Variants in TXNDC5 observed in about 807,000 individuals in gnomAD.
TXNDC5 encodes thioredoxin domain-containing protein 5.
A neutral mutation model predicts 52.6 loss-of-function variants in TXNDC5; 44 were observed. That is an observed-to-expected ratio of 0.84 (90% CI 0.66 to 1.08). TXNDC5 has a LOEUF of 1.08. Ranked by LOEUF, TXNDC5 falls within the 50% of genes least tolerant of loss-of-function variation. The probability of loss-of-function intolerance (pLI) is 0.00; values close to 1 mark genes in which losing one functional copy is unlikely to be tolerated. For synonymous variants in TXNDC5, 241 were observed against 234.4 expected (o/e 1.03, Z -0.26); for missense variants, 600 against 565.5 (o/e 1.06, Z -0.62).
intron 5 of TXNDC5, among the ~76,000 whole-genome samples, chr6:7,890,974 C>G (rs951465749): frequency 6.6e-6 from 1 of 152,204 alleles, no homozygotes; most frequent in Admixed American, 6.5e-5. Flanking sequence ...CGCAGCATTA[C>G]TTTTGGATAC....
At chr6:7,889,065 G>C in intron 6 of TXNDC5, 1 of 567,670 alleles carries the variant, frequency 1.8e-6, no homozygotes, top group South Asian at 3.1e-5. Flanking sequence ...CCCTCCACGG[G>C]GTTACACATC....
intron 1 of TXNDC5, 28 bp from the exon 2 acceptor site, chr6:7,904,751 T>A: frequency 6.2e-7 from 1 of 1,614,000 alleles, no homozygotes; most frequent in Non-Finnish European, 8.5e-7. Context: ...TACAAGCACA[T>A]TGAGTATCAG....
At chr6:7,909,606 G>A (rs1554130142) in intron 1 of TXNDC5, among the ~76,000 whole-genome samples, 1 of 152,186 alleles carries the variant, frequency 6.6e-6, no homozygotes, top group Non-Finnish European at 1.5e-5. Context: ...ACCTGGACCC[G>A]AGAGAGCAGC....
At position 7,903,271 on chromosome 6, in the gene TXNDC5, T is replaced by A. The variant is rs993702837; in HGVS notation, c.413+1303A>T. On this transcript the variant is annotated intron_variant, in intron 2 of 9. Coordinates refer to ENST00000379757, the MANE Select transcript of TXNDC5 (RefSeq NM_030810.5). Reference sequence around the variant, plus strand: ...TAAAGCATAGAATAGTTAATGCTTTTACGTAGATACAGATAGTAAGCAATT... The same window carrying A: ...TAAAGCATAGAATAGTTAATGCTTTAACGTAGATACAGATAGTAAGCAATT... Among the ~76,000 whole-genome samples, 19 of 134,768 alleles carry A rather than the reference T, an allele frequency of 1.4e-4. 1 individual carries two copies. The highest frequency in any genetic ancestry group is 5.7e-4 in the African/African-American group (19 of 33,068). The allele number at this position is 134,768 out of a possible 152,430, so 88.4% of individuals were successfully genotyped here. A position where few individuals can be genotyped will look rare whatever the true frequency, so the allele number is the denominator to read the frequency against.
rs759696478 is a variant in TXNDC5 at position 7,895,222 on chromosome 6, CA to C, written c.520-21del. 6.2e-7 allele frequency: 1 copy of C among 1,602,408 alleles called. No individual in the cohort carries two copies. Among genetic ancestry groups the C allele is most frequent in the East Asian group, 2.3e-5 (1 of 44,314 alleles). On this transcript the variant is annotated intron_variant, in intron 3 of 9. Transcript: ENST00000379757. ...TGGTGTCTAACAGGAGGAAATAAAA[CA>C]GTCATGGGTGTGTCAGTGGAGACAC... is the stretch of plus-strand genomic sequence containing the variant.
At chr6:7,901,488 T>TA (rs56751073) in intron 2 of TXNDC5, among the ~76,000 whole-genome samples, 120 of 152,128 alleles carry the variant, frequency 7.9e-4, no homozygotes, top group African/African-American at 2.7e-3. Context: ...ACAAATAATT[T>TA]AAAAAAAACC....
rs1440203422 is a variant in TXNDC5 at position 7,882,706 on chromosome 6, G to A, written c.*438C>T. The A allele has an allele frequency of 1.7e-5, 3 of 178,214 alleles. No individual in the cohort carries two copies. Among genetic ancestry groups the A allele is most frequent in the Admixed American group, 1.6e-4 (3 of 18,266 alleles). The allele number at this position is 178,214 out of a possible 1,614,324, so 11.0% of individuals were successfully genotyped here. A position where few individuals can be genotyped will look rare whatever the true frequency, so the allele number is the denominator to read the frequency against. On this transcript the variant is annotated 3_prime_UTR_variant, in exon 10 of 10. Coordinates refer to ENST00000379757, the MANE Select transcript of TXNDC5 (RefSeq NM_030810.5). ...AGTCAACTGTGACCTTAAGATCAGA[G>A]GAACGTCAATACTGCCACAAGGCCA...
chr6:7,909,715 C>T, intron 1 of TXNDC5: 1 of 958,846 alleles, frequency 1.0e-6, no homozygotes, highest in Non-Finnish European at 1.2e-6. Context: ...TTCCAGAATT[C>T]GCACTACCTT....
chr6:7,890,619 C>T (rs60031751), intron 5 of TXNDC5, among the ~76,000 whole-genome samples: 5,356 of 152,062 alleles, frequency 0.035, 160 homozygotes, highest in African/African-American at 0.084. Flanking sequence ...ATTACTTCCC[C>T]GAAATGTTCA....
At chr6:7,884,634 G>A (rs1759896904) in intron 8 of TXNDC5, 146 bp from the exon 9 acceptor site, 2 of 1,130,318 alleles carry the variant, frequency 1.8e-6, no homozygotes, top group Non-Finnish European at 2.5e-6. Context: ...TCTCCCACTG[G>A]GTGCACATTA....
rs1327406897 is a variant in TXNDC5, at chr6:7,882,967, TAAAG to T, written c.*173_*176del. ...ATTTACTTAGAGAAACTTAACTTAATAAAGAATCTGTAGAGTGTGTTGGCTTGGA... is the reference window on the plus strand; with the variant it reads ...ATTTACTTAGAGAAACTTAACTTAATAATCTGTAGAGTGTGTTGGCTTGGA... On this transcript the variant is annotated 3_prime_UTR_variant, in exon 10 of 10. Coordinates refer to ENST00000379757, the MANE Select transcript of TXNDC5 (RefSeq NM_030810.5). The T allele has an allele frequency of 8.0e-6, 6 of 753,188 alleles. No homozygotes were observed. The highest frequency in any genetic ancestry group is 1.8e-5 in the African/African-American group (1 of 56,822). 46.7% of individuals were successfully genotyped at this position (753,188 alleles called of 1,614,324 possible). A position where few individuals can be genotyped will look rare whatever the true frequency, so the allele number is the denominator to read the frequency against.
Position 7,895,220 on chromosome 6 carries a change from AAC to A in TXNDC5, c.520-20_520-19del, listed in dbSNP as rs1295906785. On this transcript the variant is annotated intron_variant, in intron 3 of 9. Coordinates refer to ENST00000379757, the MANE Select transcript of TXNDC5 (RefSeq NM_030810.5). ...TCTGGTGTCTAACAGGAGGAAATAA[AAC>A]AGTCATGGGTGTGTCAGTGGAGACA... 1.1e-5 allele frequency: 18 copies of A among 1,604,316 alleles called. No homozygotes were observed. The highest frequency in any genetic ancestry group is 1.7e-5 in the Admixed American group (1 of 58,830).
intron 8 of TXNDC5, among the ~76,000 whole-genome samples, 178 bp downstream of exon 8, chr6:7,885,783 A>G (rs915603145): frequency 6.6e-6 from 1 of 152,238 alleles, no homozygotes; most frequent in Non-Finnish European, 1.5e-5. Flanking sequence ...AGGCCATTGA[A>G]GTTTAAAATA....
intron 2 of TXNDC5, among the ~76,000 whole-genome samples, chr6:7,902,031 A>C (rs1416808135): frequency 6.6e-6 from 1 of 152,118 alleles, no homozygotes; most frequent in Non-Finnish European, 1.5e-5. Flanking sequence ...ACAGAGAGAC[A>C]CACACACACA....
At chr6:7,907,331 C>T (rs1392281436) in intron 1 of TXNDC5, among the ~76,000 whole-genome samples, 8 of 152,246 alleles carry the variant, frequency 5.3e-5, no homozygotes, top group South Asian at 2.1e-4. Flanking sequence ...GTCGGCCCTG[C>T]GGCTACAGCA....
chr6:7,891,498 C>T, intron 5 of TXNDC5, 123 bp downstream of exon 5: 3 of 668,738 alleles, frequency 4.5e-6, no homozygotes, highest in South Asian at 2.2e-5. Context: ...TATCAAGTGG[C>T]ACACTAAATG....
At chr6:7,889,233 A>T (rs7746818) in intron 6 of TXNDC5, 1 of 472,348 alleles carries the variant, frequency 2.1e-6, no homozygotes, top group East Asian at 3.4e-5. Flanking sequence ...TGTGTTTACA[A>T]CCAGAGCACA....
intron 4 of TXNDC5, among the ~76,000 whole-genome samples, chr6:7,893,670 C>T (rs1264782105): frequency 1.3e-5 from 2 of 152,230 alleles, no homozygotes; most frequent in Non-Finnish European, 2.9e-5. Context: ...GTTCTGCCGT[C>T]AGGGCGCTGG....
chr6:7,883,099 C>A lies in TXNDC5; in HGVS notation c.*45G>T, dbSNP rs374749063. The A allele has an allele frequency of 1.9e-6, 3 of 1,612,654 alleles. No homozygotes were observed. The highest frequency in any genetic ancestry group is 1.7e-6 in the Non-Finnish European group (2 of 1,179,238). ...CTCTGTGGGACTGAACTCCTAAACGCAGGGTGCGGGAGCTGGGCAGGAGAG... is the reference window on the plus strand; with the variant it reads ...CTCTGTGGGACTGAACTCCTAAACGAAGGGTGCGGGAGCTGGGCAGGAGAG... On this transcript the variant is annotated 3_prime_UTR_variant, in exon 10 of 10. Coordinates refer to ENST00000379757, the MANE Select transcript of TXNDC5 (RefSeq NM_030810.5).
Sources: gnomAD v4.1 joint callset for allele counts (sites outside exome capture counted in the v4.1 genomes callset) on GRCh38, gnomAD v4.1.1 for gene constraint, MANE v1.5 for transcripts, NCBI Gene and HGNC (gene_info 2026-07-23, HGNC 2026-07-21) for gene names.